Variants in PPP1R3A observed in about 807,000 individuals in gnomAD.
PPP1R3A encodes RG1.
Under a neutral mutation model 41.7 loss-of-function variants are expected in PPP1R3A, and 29 were observed. That is an observed-to-expected ratio of 0.70 (90% CI 0.52 to 0.95). The LOEUF (loss-of-function observed/expected upper bound fraction) is 0.95. Ranked by LOEUF, PPP1R3A falls within the 40% of genes least tolerant of loss-of-function variation. PPP1R3A has a pLI of 0.00. For synonymous variants in PPP1R3A, 485 were observed against 453.4 expected, an observed-to-expected ratio of 1.07 and a Z score of -0.89; for missense variants, 1,352 against 1,292.4, an observed-to-expected ratio of 1.05 and a Z score of -0.71.
At chr7:113,889,685 C>G (rs8180864) in intron 1 of PPP1R3A, among the ~76,000 whole-genome samples, 149,698 of 152,256 alleles carry the variant, frequency 0.98, 73,637 homozygotes, top group Non-Finnish European at 1. Context: ...ATAAATATGC[C>G]CTGAACATAA....
chr7:113,885,433 T>G lies in PPP1R3A; in HGVS notation c.783-3113A>C, dbSNP rs188072413. On this transcript the variant is annotated intron_variant, in intron 1 of 3. Transcript: ENST00000284601. ...ATTTGACCGACATTATCTTCAAAAT[T>G]CAACATTTATATAAATGATGACCAC... Among the ~76,000 whole-genome samples the G allele has an allele frequency of 1.6e-3, 242 of 152,228 alleles. 1 individual carries two copies. The highest frequency in any genetic ancestry group is 2.9e-3 in the Non-Finnish European group (198 of 68,014).
intron 1 of PPP1R3A, among the ~76,000 whole-genome samples, chr7:113,904,826 A>C (rs531833042): frequency 6.6e-6 from 1 of 151,838 alleles, no homozygotes; most frequent in Non-Finnish European, 1.5e-5. Flanking sequence ...TCCAGTCAAC[A>C]GCTAATTCGT....
At chr7:113,901,321 T>C (rs886859250) in intron 1 of PPP1R3A, among the ~76,000 whole-genome samples, 3 of 151,662 alleles carry the variant, frequency 2.0e-5, no homozygotes, top group Admixed American at 6.6e-5. Flanking sequence ...CCATCCCCCT[T>C]CTAAATTGGA....
In PPP1R3A at chr7:113,880,053, CTGGATCTGTTGAAAA is replaced by C. The variant is rs1430343106; in HGVS notation, c.1024_1038del (p.Phe342_Pro346del). The stretch of plus-strand genomic sequence containing the variant: ...CCCTCTGCTTTATTTGGAAAATTGA[CTGGATCTGTTGAAAA>C]TGTATTCCTTTCATCTCTGGAAGCA... On this transcript the variant is annotated inframe_deletion, in exon 4 of 4. Coordinates refer to ENST00000284601, the MANE Select transcript of PPP1R3A (RefSeq NM_002711.4). 6.2e-7 allele frequency: 1 copy of C among 1,610,544 alleles called. No homozygotes were observed. Among genetic ancestry groups the C allele is most frequent in the East Asian group, 2.2e-5 (1 of 44,760 alleles).
At chr7:113,888,164 G>A (rs992655796) in intron 1 of PPP1R3A, among the ~76,000 whole-genome samples, 14 of 152,174 alleles carry the variant, frequency 9.2e-5, no homozygotes, top group Non-Finnish European at 1.8e-4. Flanking sequence ...AAAGGGCTTA[G>A]CATAGCTGGC....
chr7:113,891,401 T>C (rs1197130192), intron 1 of PPP1R3A, among the ~76,000 whole-genome samples: 4 of 152,068 alleles, frequency 2.6e-5, no homozygotes, highest in Non-Finnish European at 5.9e-5. Context: ...CTGAGTTATC[T>C]ATATTTTTAA....
chr7:113,916,613 G>C (rs760321391), intron 1 of PPP1R3A, among the ~76,000 whole-genome samples: 2 of 152,068 alleles, frequency 1.3e-5, no homozygotes, highest in Admixed American at 6.6e-5. Context: ...TGAGCTTTTA[G>C]ACAATAATGC....
intron 1 of PPP1R3A, among the ~76,000 whole-genome samples, chr7:113,907,536 C>T (rs1797166860): frequency 6.6e-6 from 1 of 151,242 alleles, no homozygotes; most frequent in Non-Finnish European, 1.5e-5. Context: ...AAAAAATCAA[C>T]ATACTTGTTC....
At chr7:113,883,557 T>C (rs756688462) in intron 1 of PPP1R3A, among the ~76,000 whole-genome samples, 14 of 151,958 alleles carry the variant, frequency 9.2e-5, no homozygotes, top group Non-Finnish European at 1.6e-4. Context: ...ATAATTTTAT[T>C]AGAAAAATAT....
chr7:113,913,977 C>T (rs192329137), intron 1 of PPP1R3A, among the ~76,000 whole-genome samples: 23 of 152,138 alleles, frequency 1.5e-4, no homozygotes, highest in Non-Finnish European at 2.4e-4. Flanking sequence ...GATACTGCTG[C>T]CTAACAACTC....
chr7:113,911,926 G>A (rs1797259136), intron 1 of PPP1R3A, among the ~76,000 whole-genome samples: 1 of 152,016 alleles, frequency 6.6e-6, no homozygotes, highest in Non-Finnish European at 1.5e-5. Flanking sequence ...TCAGCAACTG[G>A]AATAGATGCT....
intron 1 of PPP1R3A, among the ~76,000 whole-genome samples, chr7:113,884,458 T>C (rs1320145144): frequency 6.6e-6 from 1 of 152,000 alleles, no homozygotes; most frequent in African/African-American, 2.4e-5. Context: ...CTTTGGTATA[T>C]GACAAATGGT....
intron 1 of PPP1R3A, among the ~76,000 whole-genome samples, chr7:113,896,979 G>A (rs538405847): frequency 6.6e-6 from 1 of 151,818 alleles, no homozygotes; most frequent in African/African-American, 2.4e-5. Context: ...CCATGGAAAG[G>A]TATTCAAGTA....
intron 1 of PPP1R3A, among the ~76,000 whole-genome samples, chr7:113,910,533 A>C (rs1347058196): frequency 6.6e-6 from 1 of 152,042 alleles, no homozygotes; most frequent in East Asian, 1.9e-4. Flanking sequence ...TTAAAACTTC[A>C]ATTTTTCTAT....
chr7:113,881,999 G>T (rs372732845), intron 3 of PPP1R3A, 40 bp downstream of exon 3: 144 of 1,608,532 alleles, frequency 9.0e-5, no homozygotes, highest in Non-Finnish European at 1.1e-4. Context: ...AGCAGAAATG[G>T]ATTCATCTTC....
chr7:113,889,198 A>G (rs547063530), intron 1 of PPP1R3A, among the ~76,000 whole-genome samples: 31 of 152,270 alleles, frequency 2.0e-4, no homozygotes, highest in Non-Finnish European at 1.5e-5. Context: ...GCTCCTCCTT[A>G]GATGATAGAC....
At chr7:113,910,303 A>T (rs1411249250) in intron 1 of PPP1R3A, among the ~76,000 whole-genome samples, 2 of 152,084 alleles carry the variant, frequency 1.3e-5, no homozygotes, top group African/African-American at 4.8e-5. Context: ...GTGTTTTCTG[A>T]ATACTGCTAA....
chr7:113,901,312 C>T (rs1380035788), intron 1 of PPP1R3A, among the ~76,000 whole-genome samples: 1 of 151,678 alleles, frequency 6.6e-6, no homozygotes, highest in African/African-American at 2.4e-5. Context: ...ACATAGACAC[C>T]ATCCCCCTTC....
intron 1 of PPP1R3A, among the ~76,000 whole-genome samples, chr7:113,896,158 C>G (rs1364223251): frequency 6.6e-6 from 1 of 151,818 alleles, no homozygotes; most frequent in East Asian, 1.9e-4. Flanking sequence ...AAATTATGAA[C>G]GCAAAGCACT....
Sources: gnomAD v4.1 joint callset for allele counts (sites outside exome capture counted in the v4.1 genomes callset) on GRCh38, gnomAD v4.1.1 for gene constraint, MANE v1.5 for transcripts, NCBI Gene and HGNC (gene_info 2026-07-23, HGNC 2026-07-21) for gene names.